Variants in HMOX2 observed in about 807,000 individuals in gnomAD.
HMOX2 encodes heme oxygenase 2.
In HMOX2, 30 loss-of-function variants were observed where a neutral mutation model predicts 33.7. That is an observed-to-expected ratio of 0.89 (90% CI 0.67 to 1.21). The LOEUF is 1.21. Among genes scored for constraint, HMOX2 ranks in the 50% most tolerant of loss-of-function variants. HMOX2 has a pLI of 0.00. For synonymous variants in HMOX2, 155 were observed against 155.0 expected (o/e 1.00, Z 0.00); for missense variants, 403 against 399.1 (o/e 1.01, Z -0.08).
intron 1 of HMOX2, among the ~76,000 whole-genome samples, chr16:4,489,814 G>A (rs1194003832): frequency 1.3e-5 from 2 of 152,004 alleles, no homozygotes; most frequent in Non-Finnish European, 2.9e-5. Flanking sequence ...ATCTCCATAT[G>A]TTACCCAGGC....
At chr16:4,489,472 T>A (rs916119156) in intron 1 of HMOX2, among the ~76,000 whole-genome samples, 4 of 152,228 alleles carry the variant, frequency 2.6e-5, no homozygotes, top group Non-Finnish European at 4.4e-5. Context: ...TTTTTAAAAA[T>A]TTTTTGAAAC....
intron 1 of HMOX2, among the ~76,000 whole-genome samples, chr16:4,491,132 T>A (rs1353703189): frequency 6.6e-6 from 1 of 152,208 alleles, no homozygotes; most frequent in Admixed American, 6.5e-5. Context: ...TTGGTTGTCA[T>A]GTGATAAAAA....
At chr16:4,480,294 C>T (rs1328166163) in intron 1 of HMOX2, among the ~76,000 whole-genome samples, 4 of 151,510 alleles carry the variant, frequency 2.6e-5, no homozygotes, top group Admixed American at 1.3e-4. Flanking sequence ...GCGAACCACC[C>T]TCCTTGGCCT....
intron 1 of HMOX2, among the ~76,000 whole-genome samples, chr16:4,495,199 C>T (rs1363444855): frequency 6.6e-6 from 1 of 152,144 alleles, no homozygotes; most frequent in Non-Finnish European, 1.5e-5. Context: ...TTGAGGACCT[C>T]CTTTTTTTAG....
At chr16:4,480,751 T>A (rs1418794192) in intron 1 of HMOX2, among the ~76,000 whole-genome samples, 1 of 150,844 alleles carries the variant, frequency 6.6e-6, no homozygotes, top group East Asian at 2.0e-4. Flanking sequence ...CTCCCAGGTT[T>A]AAGCGATTCT....
intron 4 of HMOX2, 139 bp downstream of exon 4, chr16:4,508,343 A>G: frequency 1.0e-6 from 1 of 962,008 alleles, no homozygotes; most frequent in Non-Finnish European, 1.6e-6. Context: ...TGGCCACCAG[A>G]TTGGCCACCA....
At chr16:4,475,767 C>T (rs1255358839), upstream of HMOX2, among the ~76,000 whole-genome samples, 5 of 151,926 alleles carry the variant, frequency 3.3e-5, no homozygotes, top group East Asian at 3.9e-4. Flanking sequence ...GTGAAACCCC[C>T]GTCTCTACTA....
intron 1 of HMOX2, among the ~76,000 whole-genome samples, chr16:4,482,435 A>T (rs1276024421): frequency 1.3e-5 from 2 of 152,142 alleles, no homozygotes; most frequent in African/African-American, 4.8e-5. Flanking sequence ...GTTTCCCCAT[A>T]CACCAAGCAA....
chr16:4,494,055 G>A (rs1242968955), intron 1 of HMOX2, among the ~76,000 whole-genome samples: 5 of 152,132 alleles, frequency 3.3e-5, no homozygotes, highest in South Asian at 2.1e-4. Flanking sequence ...TGTGGCTCAC[G>A]CCTGTAATCC....
intron 1 of HMOX2, among the ~76,000 whole-genome samples, chr16:4,498,009 T>G (rs2058464287): frequency 6.6e-6 from 1 of 151,950 alleles, no homozygotes; most frequent in Non-Finnish European, 1.5e-5. Context: ...TTTAGTAATC[T>G]GACTCAAGTG....
At chr16:4,497,864 C>T (rs988990366) in intron 1 of HMOX2, among the ~76,000 whole-genome samples, 7 of 152,092 alleles carry the variant, frequency 4.6e-5, no homozygotes, top group African/African-American at 1.7e-4. Context: ...TTCCAAAGTG[C>T]AGAGATTACA....
At chr16:4,498,728 G>A (rs548726538) in intron 1 of HMOX2, among the ~76,000 whole-genome samples, 4 of 152,298 alleles carry the variant, frequency 2.6e-5, no homozygotes, top group African/African-American at 7.2e-5. Context: ...TCAGTGAACC[G>A]TGGGATTGAA....
At chr16:4,494,594 T>C (rs1279044184) in intron 1 of HMOX2, among the ~76,000 whole-genome samples, 1 of 151,950 alleles carries the variant, frequency 6.6e-6, no homozygotes, top group Non-Finnish European at 1.5e-5. Context: ...AAAAATAAGT[T>C]TGGGTGGGGT....
intron 4 of HMOX2, 48 bp from the exon 5 acceptor site, chr16:4,509,364 A>C: frequency 6.3e-7 from 1 of 1,576,838 alleles, no homozygotes; most frequent in South Asian, 1.2e-5. Context: ...AAAAAAAAAA[A>C]AGTATGGGCA....
intron 1 of HMOX2, among the ~76,000 whole-genome samples, chr16:4,497,122 C>T (rs1175506501): frequency 1.3e-5 from 2 of 151,948 alleles, no homozygotes; most frequent in East Asian, 3.8e-4. Context: ...CTTTTTTTCC[C>T]TCCACCCCCA....
At chr16:4,497,675 T>C (rs1283327860) in intron 1 of HMOX2, among the ~76,000 whole-genome samples, 1 of 152,192 alleles carries the variant, frequency 6.6e-6, no homozygotes, top group East Asian at 1.9e-4. Flanking sequence ...TGAACATGGC[T>C]AGAGATGAGC....
At chr16:4,504,850 C>T (rs576968094) in intron 1 of HMOX2, among the ~76,000 whole-genome samples, 18 of 151,630 alleles carry the variant, frequency 1.2e-4, no homozygotes, top group African/African-American at 3.9e-4. Context: ...CCACCATGCC[C>T]GGCTATTTTT....
chr16:4,504,224 G>C (rs888896756), intron 1 of HMOX2, among the ~76,000 whole-genome samples: 1 of 152,148 alleles, frequency 6.6e-6, no homozygotes, highest in Admixed American at 6.5e-5. Flanking sequence ...TCTGCACAAG[G>C]CACCCAGCCT....
In HMOX2 at chr16:4,509,825, G is replaced by C; in HGVS notation, c.*69G>C. The C allele has an allele frequency of 8.6e-6, 13 of 1,515,852 alleles. No homozygotes were observed. The highest frequency in any genetic ancestry group is 1.2e-5 in the Non-Finnish European group (13 of 1,119,276). The allele number at this position is 1,515,852 out of a possible 1,614,324, so 93.9% of individuals were successfully genotyped here. A position where few individuals can be genotyped will look rare whatever the true frequency, so the allele number is the denominator to read the frequency against. On this transcript the variant is annotated 3_prime_UTR_variant, in exon 6 of 6. Coordinates refer to ENST00000570646, the MANE Select transcript of HMOX2 (RefSeq NM_002134.4). ...CTGGCCTACCCCTTTCTCCAGCCCT[G>C]ACTAAACTACCACCTCAGGTGACTT...
Sources: allele counts gnomAD v4.1 joint callset (sites outside exome capture counted in the v4.1 genomes callset), GRCh38; gene constraint gnomAD v4.1.1; transcripts MANE v1.5; gene names NCBI Gene and HGNC (gene_info 2026-07-23, HGNC 2026-07-21).